The following SIPA1L1 variants were observed in gnomAD, a reference collection of about 807,000 sequenced individuals.
SIPA1L1 encodes signal induced proliferation associated 1 like 1.
A neutral mutation model predicts 162.7 loss-of-function variants in SIPA1L1; 26 were observed. The observed-to-expected ratio is 0.16, with a 90% CI of 0.12 to 0.22. SIPA1L1 has a LOEUF of 0.22. SIPA1L1 is among the 10% of genes least tolerant of loss of function. The pLI is 1.00. For synonymous variants in SIPA1L1, 829 were observed against 837.4 expected (o/e 0.99, Z 0.17); for missense variants, 1,874 against 2,241.0 (o/e 0.84, Z 3.31).
intron 4 of SIPA1L1, among the ~76,000 whole-genome samples, chr14:71,542,688 T>C: frequency 2.1e-5 from 2 of 96,576 alleles, no homozygotes; most frequent in African/African-American, 4.1e-5. Flanking sequence ...CCTCCTTCCT[T>C]CTCCCTTCTC....
chr14:71,652,079 G>A (rs532650349), intron 8 of SIPA1L1, among the ~76,000 whole-genome samples: 1 of 151,572 alleles, frequency 6.6e-6, no homozygotes, highest in Admixed American at 6.5e-5. Context: ...GAATCCTTCT[G>A]TCCTTTTAAA....
intron 22 of SIPA1L1, 127 bp downstream of exon 22, chr14:71,735,518 A>G: frequency 1.7e-6 from 1 of 597,386 alleles, no homozygotes; most frequent in Non-Finnish European, 2.9e-6. Flanking sequence ...AGGGCTAGAC[A>G]CTTTACATTT....
chr14:71,572,875 A>G (rs536366424), intron 4 of SIPA1L1, among the ~76,000 whole-genome samples: 1 of 152,386 alleles, frequency 6.6e-6, no homozygotes, highest in African/African-American at 2.4e-5. Context: ...CCTAATATAT[A>G]TAGCTATGTG....
At chr14:71,538,266 C>A (rs530272711) in intron 4 of SIPA1L1, among the ~76,000 whole-genome samples, 1 of 152,062 alleles carries the variant, frequency 6.6e-6, no homozygotes, top group Admixed American at 6.6e-5. Flanking sequence ...TGATTTCTAA[C>A]TATTCTTACT....
At chr14:71,665,451 C>T (rs2043910135) in intron 10 of SIPA1L1, among the ~76,000 whole-genome samples, 1 of 152,150 alleles carries the variant, frequency 6.6e-6, no homozygotes, top group South Asian at 2.1e-4. Context: ...TATCCCATAA[C>T]TGATGAGAGC....
At chr14:71,405,705 C>G (rs1331608922) in intron 2 of SIPA1L1, among the ~76,000 whole-genome samples, 1 of 152,162 alleles carries the variant, frequency 6.6e-6, no homozygotes, top group Non-Finnish European at 1.5e-5. Context: ...GGAATTGAGG[C>G]TTAAGGGACT....
intron 5 of SIPA1L1, among the ~76,000 whole-genome samples, chr14:71,610,360 G>A (rs1305381853): frequency 1.3e-5 from 2 of 152,150 alleles, no homozygotes. Flanking sequence ...AATGAAATGT[G>A]AGCCTTGATT....
chr14:71,696,880 T>C (rs1329064495), intron 13 of SIPA1L1, among the ~76,000 whole-genome samples: 1 of 152,188 alleles, frequency 6.6e-6, no homozygotes, highest in African/African-American at 2.4e-5. Flanking sequence ...CATCAGGCCT[T>C]TTTATGTGAG....
At chr14:71,607,921 C>A (rs2037720484) in intron 5 of SIPA1L1, among the ~76,000 whole-genome samples, 1 of 152,148 alleles carries the variant, frequency 6.6e-6, no homozygotes, top group Non-Finnish European at 1.5e-5. Flanking sequence ...TCTTTCAGTA[C>A]AAGTTGATGA....
chr14:71,701,460 C>T (rs1352266008), intron 14 of SIPA1L1, among the ~76,000 whole-genome samples: 1 of 151,792 alleles, frequency 6.6e-6, no homozygotes, highest in Admixed American at 6.6e-5. Context: ...AAGTGATCCT[C>T]CTGTATCTGC....
chr14:71,457,698 A>T (rs1243408675), intron 2 of SIPA1L1, among the ~76,000 whole-genome samples: 1 of 151,736 alleles, frequency 6.6e-6, no homozygotes, highest in Non-Finnish European at 1.5e-5. Flanking sequence ...AGGTTCAATC[A>T]ATTCTCCTGC....
chr14:71,330,958 G>A (rs965527313), intron 2 of SIPA1L1, among the ~76,000 whole-genome samples: 4 of 152,168 alleles, frequency 2.6e-5, no homozygotes, highest in African/African-American at 9.7e-5. Flanking sequence ...GCTTTTGGCC[G>A]TATCTAAGAA....
At chr14:71,337,540 C>T (rs1398342271) in intron 2 of SIPA1L1, among the ~76,000 whole-genome samples, 2 of 152,172 alleles carry the variant, frequency 1.3e-5, no homozygotes, top group Non-Finnish European at 2.9e-5. Context: ...GAGAACTCCT[C>T]TTTATAAAAC....
At position 71,614,170 on chromosome 14, in the gene SIPA1L1, A is replaced by G. The variant is rs1190863645; in HGVS notation, c.1499-4587A>G. On this transcript the variant is annotated intron_variant, in intron 5 of 23. Transcript: ENST00000381232. The stretch of plus-strand genomic sequence containing the variant: ...GAGGCGGAGGTTGCAGTGGGCCAAG[A>G]TCATGCCACGGCACTCCAGTCTGGG... Among the ~76,000 whole-genome samples the G allele has an allele frequency of 2.0e-5, 3 of 151,586 alleles. 1 individual carries two copies. The highest frequency in any genetic ancestry group is 4.4e-5 in the Non-Finnish European group (3 of 67,942).
At chr14:71,707,032 CAAAA>C (rs775191889) in intron 16 of SIPA1L1, among the ~76,000 whole-genome samples, 4 of 92,382 alleles carry the variant, frequency 4.3e-5, no homozygotes, top group Admixed American at 1.2e-4. Flanking sequence ...AAGACTCCGT[CAAAA>C]AAAAAAAAAA....
intron 2 of SIPA1L1, among the ~76,000 whole-genome samples, chr14:71,325,068 T>C (rs1407440350): frequency 1.3e-5 from 2 of 152,110 alleles, no homozygotes; most frequent in Non-Finnish European, 2.9e-5. Context: ...AGATAAGCAT[T>C]GTGGTATTCT....
chr14:71,440,201 T>C (rs1043002551), intron 2 of SIPA1L1, among the ~76,000 whole-genome samples: 1 of 152,036 alleles, frequency 6.6e-6, no homozygotes, highest in Non-Finnish European at 1.5e-5. Context: ...GATTTTTTTC[T>C]ATTTTAGTAG....
At chr14:71,723,346 C>A (rs146910755) in intron 17 of SIPA1L1, among the ~76,000 whole-genome samples, 206 of 152,304 alleles carry the variant, frequency 1.4e-3, no homozygotes, top group Non-Finnish European at 2.4e-3. Context: ...TGCCAGACTT[C>A]CGTGACAAAC....
At chr14:71,705,399 C>T in intron 16 of SIPA1L1, 59 bp downstream of exon 16, 14 of 1,220,078 alleles carry the variant, frequency 1.1e-5, no homozygotes, top group Non-Finnish European at 1.7e-5. Context: ...CTTCCTTGCA[C>T]TATGAAAATG....
Sources: gnomAD v4.1 joint callset for allele counts (sites outside exome capture counted in the v4.1 genomes callset) on GRCh38, gnomAD v4.1.1 for gene constraint, MANE v1.5 for transcripts, NCBI Gene and HGNC (gene_info 2026-07-23, HGNC 2026-07-21) for gene names.